Variants in ATP11A observed in about 807,000 individuals in gnomAD.
ATP11A encodes ATPase phospholipid transporting 11A.
A neutral mutation model predicts 154.4 loss-of-function variants in ATP11A; 81 were observed. The ratio of observed to expected loss-of-function variants is 0.52; its 90% CI spans 0.44 to 0.63. ATP11A has a LOEUF of 0.63. Among genes scored for constraint, ATP11A ranks in the 30% least tolerant of loss-of-function variants. ATP11A has a pLI of 0.00. For synonymous variants in ATP11A, 623 were observed against 585.9 expected, an observed-to-expected ratio of 1.06 and a Z score of -0.91; for missense variants, 1,316 against 1,474.3, an observed-to-expected ratio of 0.89 and a Z score of 1.76.
At chr13:112,880,496 T>A in intron 29 of ATP11A, 1 of 1,273,666 alleles carries the variant, frequency 7.9e-7, no homozygotes, top group Non-Finnish European at 1.0e-6. Context: ...CGAGCACTCC[T>A]GGTGGCCCCG....
chr13:112,746,420 C>G lies in ATP11A; in HGVS notation c.40-38715C>G, dbSNP rs1892157081. The G allele has an allele frequency of 6.6e-6, 1 of 151,816 alleles. No individual in the cohort carries two copies. Among genetic ancestry groups the G allele is most frequent in the Non-Finnish European group, 1.5e-5 (1 of 68,006 alleles). 9.4% of individuals were successfully genotyped at this position (151,816 alleles called of 1,614,324 possible). ...ACGTCCTCACCGGGTAACTGGGGTT[C>G]CGGCTCCCCGCGTCCTCCCCGGGTA... On this transcript the variant is annotated intron_variant, in intron 1 of 29. Transcript: ENST00000375645. This position sits in a 1 kb window ranked among gnomAD's most constrained non-coding sequence, Gnocchi z 4.1.
intron 2 of ATP11A, among the ~76,000 whole-genome samples, chr13:112,804,442 TC>T (rs375332767): frequency 0.044 from 97 of 2,196 alleles, 5 homozygotes; most frequent in East Asian, 0.096. Flanking sequence ...TTCACCTCCC[TC>T]CCCCCCATCC....
At chr13:112,709,683 T>C (rs779499529) in intron 1 of ATP11A, among the ~76,000 whole-genome samples, 4 of 151,574 alleles carry the variant, frequency 2.6e-5, no homozygotes, top group Non-Finnish European at 5.9e-5. Flanking sequence ...CGCTTTGAGT[T>C]GTCTCGCCTT....
At chr13:112,775,079 G>T (rs887300920) in intron 1 of ATP11A, among the ~76,000 whole-genome samples, 1 of 152,268 alleles carries the variant, frequency 6.6e-6, no homozygotes, top group Non-Finnish European at 1.5e-5. Context: ...TGGGTTGCCC[G>T]CAGGGGCCTT....
chr13:112,848,245 T>A (rs2079661674), intron 17 of ATP11A, among the ~76,000 whole-genome samples: 1 of 152,264 alleles, frequency 6.6e-6, no homozygotes, highest in Non-Finnish European at 1.5e-5. Flanking sequence ...ATAATTTCTT[T>A]CAGCAAACTT....
intron 1 of ATP11A, among the ~76,000 whole-genome samples, chr13:112,725,085 C>A (rs539191555): frequency 6.6e-6 from 1 of 152,296 alleles, no homozygotes; most frequent in East Asian, 1.9e-4. Flanking sequence ...CCGTAGGTTG[C>A]CGGCCATGCA....
At chr13:112,702,602 C>G (rs1886699924) in intron 1 of ATP11A, among the ~76,000 whole-genome samples, 1 of 152,252 alleles carries the variant, frequency 6.6e-6, no homozygotes, top group African/African-American at 2.4e-5. Flanking sequence ...TCTGGGTGGC[C>G]TTGGCCGGGC....
intron 1 of ATP11A, among the ~76,000 whole-genome samples, chr13:112,758,936 C>T (rs1007283168): frequency 2.0e-5 from 3 of 152,202 alleles, no homozygotes; most frequent in Admixed American, 6.5e-5. Flanking sequence ...GTTTTGTAGC[C>T]TTCATTTTTT....
intron 1 of ATP11A, among the ~76,000 whole-genome samples, chr13:112,772,897 C>G (rs1049235224): frequency 5.3e-5 from 8 of 152,240 alleles, no homozygotes; most frequent in African/African-American, 1.9e-4. Context: ...GAGTTTGAAT[C>G]ATTCTGTATA....
chr13:112,832,779 T>C (rs765624217), intron 13 of ATP11A, 81 bp from the exon 14 acceptor site: 3 of 1,509,264 alleles, frequency 2.0e-6, no homozygotes, highest in Non-Finnish European at 2.7e-6. Flanking sequence ...CCCCGCTTCT[T>C]GTTATCTCTC....
At chr13:112,763,598 C>A (rs940932503) in intron 1 of ATP11A, among the ~76,000 whole-genome samples, 1 of 152,204 alleles carries the variant, frequency 6.6e-6, no homozygotes, top group African/African-American at 2.4e-5. Flanking sequence ...CCCTTTTAGG[C>A]TCTGCTAAGA....
chr13:112,739,481 A>G (rs1891316298), intron 1 of ATP11A, among the ~76,000 whole-genome samples: 1 of 152,252 alleles, frequency 6.6e-6, no homozygotes, highest in Non-Finnish European at 1.5e-5. Context: ...GGTGTTAAGG[A>G]GGATGTAGAG....
intron 17 of ATP11A, among the ~76,000 whole-genome samples, chr13:112,842,746 T>C (rs2079459485): frequency 6.6e-6 from 1 of 152,260 alleles, no homozygotes; most frequent in African/African-American, 2.4e-5. Context: ...TTCTAGTGAT[T>C]TGCTTCAAAA....
At chr13:112,759,441 C>T (rs413110) in intron 1 of ATP11A, among the ~76,000 whole-genome samples, 28,442 of 152,158 alleles carry the variant, frequency 0.19, 2,934 homozygotes, top group African/African-American at 0.27. Context: ...TCCTAACCTG[C>T]GTGCTCTTTC....
At chr13:112,865,556 G>T (rs908461978) in intron 25 of ATP11A, among the ~76,000 whole-genome samples, 6 of 151,686 alleles carry the variant, frequency 4.0e-5, no homozygotes, top group East Asian at 3.9e-4. Context: ...TTGTTTTTTT[G>T]TTGTTGTTGT....
intron 2 of ATP11A, among the ~76,000 whole-genome samples, chr13:112,802,551 G>GAAAA (rs2078166349): frequency 1.8e-5 from 1 of 55,818 alleles, no homozygotes; most frequent in Non-Finnish European, 3.1e-5. Context: ...AACTGGACAT[G>GAAAA]CAAAAAAAAA....
chr13:112,867,242 G>A (rs1297474947), intron 25 of ATP11A, among the ~76,000 whole-genome samples: 1 of 152,226 alleles, frequency 6.6e-6, no homozygotes, highest in Non-Finnish European at 1.5e-5. Flanking sequence ...GAAAGCTGAG[G>A]AAAGAGAAGT....
At position 112,836,158 on chromosome 13, in the gene ATP11A, CT is replaced by C; in HGVS notation, c.1632-18del. The C allele has an allele frequency of 6.3e-7, 1 of 1,597,746 alleles. No individual in the cohort carries two copies. The highest frequency in any genetic ancestry group is 8.6e-7 in the Non-Finnish European group (1 of 1,166,004). Reference sequence around the variant, plus strand: ...TGAGCACCCGTGTGGACGGTGTGACCTTCTGCATTTCTCTTTCAGGTTTGAA... The same window carrying C: ...TGAGCACCCGTGTGGACGGTGTGACCTCTGCATTTCTCTTTCAGGTTTGAA... On this transcript the variant is annotated intron_variant, in intron 15 of 29. Coordinates refer to ENST00000375645, the MANE Select transcript of ATP11A (RefSeq NM_015205.3).
intron 15 of ATP11A, 57 bp from the exon 16 acceptor site, chr13:112,836,121 G>A (rs1037734169): frequency 7.6e-7 from 1 of 1,312,816 alleles, no homozygotes; most frequent in African/African-American, 1.5e-5. Flanking sequence ...ACAGTTACCA[G>A]ATGGAATCAC....
Sources: gnomAD v4.1 joint callset for allele counts (sites outside exome capture counted in the v4.1 genomes callset) on GRCh38, gnomAD v4.1.1 for gene constraint, Gnocchi (gnomAD v3.1) non-coding constraint, MANE v1.5 for transcripts, NCBI Gene and HGNC (gene_info 2026-07-23, HGNC 2026-07-21) for gene names.